Variants in L3MBTL4 observed in about 807,000 individuals in gnomAD.
The protein encoded by L3MBTL4 is lethal(3)malignant brain tumor-like protein 4.
L3MBTL4 carries 70 observed loss-of-function variants against 84.5 expected under a neutral mutation model. The observed-to-expected ratio is 0.83, with a 90% CI of 0.68 to 1.01. The LOEUF (loss-of-function observed/expected upper bound fraction) is 1.01, where lower values mean the gene tolerates loss of function less well. Ranked by LOEUF, L3MBTL4 falls within the 50% of genes least tolerant of loss-of-function variation. The pLI is 0.00. For synonymous variants in L3MBTL4, 274 were observed against 259.8 expected (o/e 1.05, Z -0.52); for missense variants, 715 against 754.8 (o/e 0.95, Z 0.62).
At chr18:6,362,214 AGGGAG>A (rs1458475350) in intron 1 of L3MBTL4, among the ~76,000 whole-genome samples, 15 of 51,418 alleles carry the variant, frequency 2.9e-4, no homozygotes, top group East Asian at 7.1e-4. Context: ...GGAAGGAGGG[AGGGAG>A]GGGAGGGGAG....
chr18:6,018,887 TAAC>T (rs879744793), intron 16 of L3MBTL4, among the ~76,000 whole-genome samples: 2 of 152,196 alleles, frequency 1.3e-5, no homozygotes. Context: ...ATTAATGACT[TAAC>T]AACATCTCAG....
intron 16 of L3MBTL4, among the ~76,000 whole-genome samples, chr18:6,023,113 G>A (rs377071139): frequency 8.5e-5 from 13 of 152,328 alleles, no homozygotes; most frequent in Non-Finnish European, 1.3e-4. Context: ...CAGTGAGGTC[G>A]CTCCCTGGGC....
At chr18:6,100,471 C>T (rs1270186527) in intron 14 of L3MBTL4, among the ~76,000 whole-genome samples, 2 of 152,132 alleles carry the variant, frequency 1.3e-5, no homozygotes, top group African/African-American at 4.8e-5. Context: ...TGAGATGATT[C>T]TCACATCTGT....
chr18:6,164,488 G>C (rs368526093), intron 13 of L3MBTL4, among the ~76,000 whole-genome samples: 3 of 152,220 alleles, frequency 2.0e-5, no homozygotes, highest in Non-Finnish European at 4.4e-5. Flanking sequence ...AAAACTTCCA[G>C]AGGAACGATC....
rs1272852244 is a variant in L3MBTL4 at position 6,168,656 on chromosome 18, C to A, written c.1096+3172G>T. On this transcript the variant is annotated intron_variant, in intron 13 of 18. Transcript: ENST00000317931. ...AAGCTGAAACTGGATCCCTTCCTTA[C>A]ACCTTATACAAAAATTAATTCAAGA... is the stretch of plus-strand genomic sequence containing the variant. Among the ~76,000 whole-genome samples, 5 of 152,000 alleles carry A rather than the reference C, an allele frequency of 3.3e-5. No homozygotes were observed. In the East Asian group the frequency reaches 9.6e-4, roughly 29 times the overall value.
intron 5 of L3MBTL4, among the ~76,000 whole-genome samples, chr18:6,257,559 T>C (rs1377339900): frequency 6.6e-6 from 1 of 152,154 alleles, no homozygotes; most frequent in African/African-American, 2.4e-5. Flanking sequence ...AGGGACATTA[T>C]TTTTTCATAA....
Position 6,243,312 on chromosome 18 carries a change from C to T in L3MBTL4, c.442G>A (p.Glu148Lys). 6.3e-7 allele frequency: 1 copy of T among 1,593,556 alleles called. No homozygotes were observed. Among genetic ancestry groups the T allele is most frequent in the South Asian group, 1.2e-5 (1 of 85,414 alleles). Residue 148 changes from glutamate (E) to lysine (K), a missense_variant, in exon 7 of 19, where the codon GAA (glutamate) becomes AAA (lysine). Physicochemically the swap from Glu to Lys is moderately conservative, Grantham distance 56 (BLOSUM62 1). Coordinates refer to ENST00000317931, the MANE Select transcript of L3MBTL4 (RefSeq NM_001330559.2). ...PVGWCEKTKH[E>K]LHIPKGYRKD... ...GGCTTACCCTTAGGGATGTGCAGTT[C>T]ATGTTTGGTCTTTTCACACCATCCT...
chr18:6,070,849 A>G (rs1378481106), intron 16 of L3MBTL4, among the ~76,000 whole-genome samples: 26 of 152,024 alleles, frequency 1.7e-4, no homozygotes. Flanking sequence ...AAAAATAATA[A>G]TAACTAGAAG....
At chr18:6,172,444 G>A (rs908512503) in intron 12 of L3MBTL4, among the ~76,000 whole-genome samples, 1 of 152,126 alleles carries the variant, frequency 6.6e-6, no homozygotes, top group Non-Finnish European at 1.5e-5. Flanking sequence ...GAACCATGGA[G>A]GCAAAAACAG....
At chr18:6,135,017 T>C (rs999696526) in intron 14 of L3MBTL4, among the ~76,000 whole-genome samples, 9 of 152,152 alleles carry the variant, frequency 5.9e-5, no homozygotes, top group Non-Finnish European at 8.8e-5. Flanking sequence ...GGCATTTCCA[T>C]ACATCTTCTT....
At chr18:6,031,810 G>C in intron 16 of L3MBTL4, 1 of 912,204 alleles carries the variant, frequency 1.1e-6, no homozygotes, top group Non-Finnish European at 1.3e-6. Context: ...TCAGATTCAT[G>C]GTTTTTTTTT....
intron 15 of L3MBTL4, among the ~76,000 whole-genome samples, chr18:6,091,344 T>C (rs140550555): frequency 1.2e-3 from 185 of 152,242 alleles, no homozygotes; most frequent in Non-Finnish European, 1.9e-3. Flanking sequence ...ATTAGGATGA[T>C]TGGTTAGGAA....
chr18:6,163,267 G>GT (rs1568231193), intron 13 of L3MBTL4, among the ~76,000 whole-genome samples: 3 of 93,638 alleles, frequency 3.2e-5, no homozygotes, highest in African/African-American at 1.2e-4. Context: ...TGTGGGGGGG[G>GT]GGTGGGTGTG....
chr18:6,328,506 C>A (rs1159441832), intron 1 of L3MBTL4, among the ~76,000 whole-genome samples: 2 of 152,174 alleles, frequency 1.3e-5, no homozygotes, highest in Non-Finnish European at 2.9e-5. Flanking sequence ...CCAGGAATAT[C>A]TTTAATACAC....
intron 4 of L3MBTL4, among the ~76,000 whole-genome samples, chr18:6,265,102 G>A (rs542367498): frequency 6.6e-6 from 1 of 152,300 alleles, no homozygotes; most frequent in Non-Finnish European, 1.5e-5. Context: ...ATCATTTTTG[G>A]TAAATGTGTA....
intron 16 of L3MBTL4, among the ~76,000 whole-genome samples, chr18:6,028,086 A>G (rs117081710): frequency 0.04 from 6,153 of 152,130 alleles, 369 homozygotes; most frequent in Admixed American, 0.16. Flanking sequence ...ATTGCTGTTG[A>G]TGTTTTAGTC....
intron 16 of L3MBTL4, among the ~76,000 whole-genome samples, chr18:6,059,549 A>T (rs1483822185): frequency 6.6e-6 from 1 of 152,110 alleles, no homozygotes; most frequent in Middle Eastern, 3.2e-3. Context: ...ATAAGAAAAA[A>T]TTTTGTATGA....
chr18:6,235,371 T>C (rs1683694501), intron 10 of L3MBTL4, among the ~76,000 whole-genome samples: 1 of 151,478 alleles, frequency 6.6e-6, no homozygotes, highest in African/African-American at 2.4e-5. Context: ...CAGAGAAAAT[T>C]GTACATGAAT....
In L3MBTL4 at chr18:6,365,494, G is replaced by A. The variant is rs554952368; in HGVS notation, c.-91+49307C>T. Among the ~76,000 whole-genome samples the A allele has an allele frequency of 9.8e-5, 15 of 152,300 alleles. No homozygotes were observed. In the East Asian group the frequency reaches 2.5e-3, roughly 25 times the overall value. ...ATGGAAGATTTATTCTACTGGCCAT[G>A]TCCTATTTGAAAACAGACATTTTAG... On this transcript the variant is annotated intron_variant, in intron 1 of 18. Coordinates refer to ENST00000317931, the MANE Select transcript of L3MBTL4 (RefSeq NM_001330559.2).
Sources: gnomAD v4.1 joint callset for allele counts (sites outside exome capture counted in the v4.1 genomes callset) on GRCh38, gnomAD v4.1.1 for gene constraint, MANE v1.5 for transcripts, NCBI Gene and HGNC (gene_info 2026-07-23, HGNC 2026-07-21) for gene names.